Variants in RAP1B observed in about 807,000 individuals in gnomAD.
RAP1B encodes ras-related protein Rap-1b.
A neutral mutation model predicts 27.5 loss-of-function variants in RAP1B; 1 was observed. The observed-to-expected ratio is 0.04, with a 90% confidence interval of 0.01 to 0.17. RAP1B has a LOEUF of 0.17. RAP1B is among the 10% of genes least tolerant of loss of function. The pLI is 1.00. For missense variants in RAP1B, 84 were observed against 214.8 expected (o/e 0.39, Z 3.81); for synonymous variants, 75 against 73.1 (o/e 1.03, Z -0.13).
chr12:68,646,405 C>T (rs560967399), intron 1 of RAP1B, among the ~76,000 whole-genome samples: 51 of 152,162 alleles, frequency 3.4e-4, no homozygotes, highest in African/African-American at 1.2e-3. Context: ...ACTCGATTCT[C>T]CTGCCTTAGC....
intron 4 of RAP1B, 58 bp from the exon 5 acceptor site, chr12:68,654,054 T>C: frequency 2.8e-6 from 4 of 1,437,352 alleles, no homozygotes; most frequent in Middle Eastern, 1.8e-4. Context: ...CTGTGAAAAT[T>C]GTAAAAATAA....
chr12:68,627,722 G>T (rs916313057), intron 1 of RAP1B, among the ~76,000 whole-genome samples: 1 of 152,098 alleles, frequency 6.6e-6, no homozygotes, highest in Admixed American at 6.6e-5. Flanking sequence ...GATGTACAGG[G>T]TATGTTAATT....
intron 1 of RAP1B, chr12:68,627,348 G>T: frequency 1.4e-6 from 1 of 729,358 alleles, no homozygotes; most frequent in Non-Finnish European, 2.5e-6. Context: ...CATGAGGAAA[G>T]GAACTCAGTT....
chr12:68,655,841 T>G (rs1300862334), intron 5 of RAP1B, among the ~76,000 whole-genome samples: 1 of 152,218 alleles, frequency 6.6e-6, no homozygotes, highest in Non-Finnish European at 1.5e-5. Flanking sequence ...TGGCCTTGAT[T>G]GACTTTTTTA....
intron 1 of RAP1B, among the ~76,000 whole-genome samples, chr12:68,617,230 G>T (rs923176922): frequency 2.0e-5 from 3 of 152,096 alleles, no homozygotes; most frequent in African/African-American, 4.8e-5. Flanking sequence ...GTTTTTATGC[G>T]CCAAAAGGTA....
At chr12:68,650,036 C>T (rs2135960674) in intron 2 of RAP1B, 2 of 159,018 alleles carry the variant, frequency 1.3e-5, no homozygotes, top group South Asian at 3.7e-4. Context: ...TGGCCTGAAC[C>T]CGGGAGGCAG....
In RAP1B at chr12:68,645,657, T is replaced by C. The variant is rs187743788; in HGVS notation, c.-26-3042T>C. Among the ~76,000 whole-genome samples the C allele has an allele frequency of 2.3e-4, 35 of 152,380 alleles. No individual in the cohort carries two copies. The East Asian group carries it at 5.2e-3, about 23-fold the overall frequency. The stretch of plus-strand genomic sequence containing the variant: ...TTGCTTATTGAACAGAGTTGTCTTT[T>C]CTGCAAAACTAGATGCAACCACACC... On this transcript the variant is annotated intron_variant, in intron 1 of 7. Coordinates refer to ENST00000250559, the MANE Select transcript of RAP1B (RefSeq NM_001010942.3).
intron 2 of RAP1B, 61 bp from the exon 3 acceptor site, chr12:68,650,339 A>C: frequency 7.1e-7 from 1 of 1,407,270 alleles, no homozygotes; most frequent in Admixed American, 2.8e-5. Context: ...TTACAATTAC[A>C]TTAAAGATTG....
chr12:68,645,296 A>G (rs893607814), intron 1 of RAP1B, among the ~76,000 whole-genome samples: 3 of 152,242 alleles, frequency 2.0e-5, no homozygotes, highest in Non-Finnish European at 2.9e-5. Flanking sequence ...ATAGAAAACC[A>G]CAATTTGAAA....
rs186603848 is a variant in RAP1B, at chr12:68,623,880, G to A, written c.-27+12837G>A. 2.4e-4 allele frequency among the ~76,000 whole-genome samples: 36 copies of A among 152,334 alleles called. 1 individual carries two copies. Among genetic ancestry groups the A allele is most frequent in the Admixed American group, 5.9e-4 (9 of 15,308 alleles). The stretch of plus-strand genomic sequence containing the variant: ...ACTAAAAATACAAAAACTTAGCCGG[G>A]CATGGTGGCGCACGCCAGTAGTCCC... On this transcript the variant is annotated intron_variant, in intron 1 of 7. Coordinates refer to ENST00000250559, the MANE Select transcript of RAP1B (RefSeq NM_001010942.3).
rs1414722608 is a variant in RAP1B, at chr12:68,666,295, C to G, written c.*7046C>G. On this transcript the variant is annotated 3_prime_UTR_variant, in exon 8 of 8. Coordinates refer to ENST00000250559, the MANE Select transcript of RAP1B (RefSeq NM_001010942.3). ...AAATTCTTCTTTTTAATTGGATTCT[C>G]GTATGTTGATCTATTTCTATTGTTT... is the stretch of plus-strand genomic sequence containing the variant. The G allele has an allele frequency of 6.6e-6, 1 of 152,088 alleles. No homozygotes were observed. Among genetic ancestry groups the G allele is most frequent in the Non-Finnish European group, 1.5e-5 (1 of 68,016 alleles). The allele number at this position is 152,088 out of a possible 1,614,324, so 9.4% of individuals were successfully genotyped here. A position where few individuals can be genotyped will look rare whatever the true frequency, so the allele number is the denominator to read the frequency against.
chr12:68,644,407 C>T (rs1019887700), intron 1 of RAP1B, among the ~76,000 whole-genome samples: 6 of 151,896 alleles, frequency 4.0e-5, no homozygotes, highest in Non-Finnish European at 8.8e-5. Flanking sequence ...GCGGTGAAAC[C>T]CCGTCTCTAC....
chr12:68,632,625 G>T (rs189004020), intron 1 of RAP1B, among the ~76,000 whole-genome samples: 3 of 152,188 alleles, frequency 2.0e-5, no homozygotes, highest in Admixed American at 6.5e-5. Flanking sequence ...CTCTTCAGTA[G>T]GTTTGGTTTA....
intron 4 of RAP1B, among the ~76,000 whole-genome samples, chr12:68,653,828 G>A (rs752392863): frequency 9.2e-5 from 14 of 152,056 alleles, no homozygotes; most frequent in Non-Finnish European, 1.8e-4. Flanking sequence ...CTACTCGGGA[G>A]GCTGAGGCAG....
At chr12:68,621,186 C>A (rs1871359801) in intron 1 of RAP1B, among the ~76,000 whole-genome samples, 1 of 152,152 alleles carries the variant, frequency 6.6e-6, no homozygotes, top group Non-Finnish European at 1.5e-5. Context: ...AGAACTCCTG[C>A]CTGCATGTGC....
At chr12:68,614,322 A>G (rs765310182) in intron 1 of RAP1B, among the ~76,000 whole-genome samples, 7 of 152,238 alleles carry the variant, frequency 4.6e-5, no homozygotes, top group African/African-American at 1.4e-4. Context: ...ATTATCGACT[A>G]TCACACAGAT....
intron 1 of RAP1B, among the ~76,000 whole-genome samples, chr12:68,638,567 AAAC>A (rs1940652186): frequency 6.6e-6 from 1 of 152,202 alleles, no homozygotes; most frequent in Admixed American, 6.5e-5. Context: ...CTATAATATC[AAAC>A]AACCATTATG....
intron 1 of RAP1B, among the ~76,000 whole-genome samples, chr12:68,617,314 T>G (rs547215390): frequency 6.6e-6 from 1 of 152,360 alleles, no homozygotes; most frequent in South Asian, 2.1e-4. Context: ...TATTACTACA[T>G]TGTGCCAACA....
At chr12:68,640,944 TTAA>T (rs1292440190) in intron 1 of RAP1B, 5 of 152,244 alleles carry the variant, frequency 3.3e-5, no homozygotes, top group African/African-American at 1.2e-4. Context: ...AAAATACTAG[TTAA>T]TAATCTCCGG....
Sources: gnomAD v4.1 joint callset for allele counts (sites outside exome capture counted in the v4.1 genomes callset) on GRCh38, gnomAD v4.1.1 for gene constraint, MANE v1.5 for transcripts, NCBI Gene and HGNC (gene_info 2026-07-23, HGNC 2026-07-21) for gene names.